TMPRSS4: variants seen among roughly 807,000 people sequenced by gnomAD.
TMPRSS4 encodes transmembrane serine protease 4.
A neutral mutation model predicts 56.4 loss-of-function variants in TMPRSS4; 45 were observed. The ratio of observed to expected loss-of-function variants is 0.80; its 90% CI spans 0.63 to 1.02. The LOEUF (loss-of-function observed/expected upper bound fraction) is 1.02, where lower values mean the gene tolerates loss of function less well. Ranked by LOEUF, TMPRSS4 falls within the 50% of genes least tolerant of loss-of-function variation. The probability of loss-of-function intolerance (pLI) is 0.00; values close to 1 mark genes in which losing one functional copy is unlikely to be tolerated. For synonymous variants in TMPRSS4, 205 were observed against 211.0 expected (o/e 0.97, Z 0.25); for missense variants, 546 against 556.7 (o/e 0.98, Z 0.19).
intron 4 of TMPRSS4, among the ~76,000 whole-genome samples, chr11:118,103,978 T>C (rs11216754): frequency 0.056 from 8,598 of 152,260 alleles, 611 homozygotes; most frequent in African/African-American, 0.16. Context: ...TGCTGAGACA[T>C]GCTATGTGAC....
At chr11:118,082,618 G>T (rs951845350) in intron 1 of TMPRSS4, among the ~76,000 whole-genome samples, 1 of 151,950 alleles carries the variant, frequency 6.6e-6, no homozygotes, top group African/African-American at 2.4e-5. Flanking sequence ...ACTTGAAAAG[G>T]GTCATTCAGC....
At chr11:118,081,680 G>A (rs532064616) in intron 1 of TMPRSS4, among the ~76,000 whole-genome samples, 40 of 152,344 alleles carry the variant, frequency 2.6e-4, no homozygotes, top group African/African-American at 7.9e-4. Context: ...GGCGTCGCCC[G>A]CTGGTGCGGT....
At chr11:118,089,386 C>T (rs1945801646) in intron 1 of TMPRSS4, among the ~76,000 whole-genome samples, 1 of 152,192 alleles carries the variant, frequency 6.6e-6, no homozygotes, top group African/African-American at 2.4e-5. Context: ...TCAGCATAGC[C>T]AGGTGATGGC....
intron 1 of TMPRSS4, among the ~76,000 whole-genome samples, chr11:118,083,766 G>A (rs2135243348): frequency 6.6e-6 from 1 of 152,192 alleles, no homozygotes; most frequent in African/African-American, 2.4e-5. Context: ...AACAATTACT[G>A]TACTCTTGGC....
intron 1 of TMPRSS4, among the ~76,000 whole-genome samples, chr11:118,090,076 G>A (rs573333357): frequency 1.9e-3 from 283 of 152,072 alleles, no homozygotes; most frequent in Middle Eastern, 0.014. Flanking sequence ...AACTCCTGAC[G>A]TCAGATCCAC....
intron 3 of TMPRSS4, 62 bp downstream of exon 3, chr11:118,099,160 C>A: frequency 2.9e-6 from 4 of 1,374,178 alleles, no homozygotes; most frequent in African/African-American, 2.9e-5. Flanking sequence ...CAACCCCCAC[C>A]CCCGCACTCA....
downstream of TMPRSS4, chr11:118,125,258 G>T (rs1157207119): frequency 2.2e-6 from 1 of 456,714 alleles, no homozygotes; most frequent in Non-Finnish European, 4.4e-6. Context: ...GAGACAGGAA[G>T]GAGCCAGCAG....
At chr11:118,094,894 T>A in intron 2 of TMPRSS4, 39 bp downstream of exon 2, 1 of 1,604,116 alleles carries the variant, frequency 6.2e-7, no homozygotes, top group Admixed American at 1.7e-5. Context: ...CACCTTAGCC[T>A]CTGAGTTTCA....
At chr11:118,085,971 G>A (rs1945525692) in intron 1 of TMPRSS4, among the ~76,000 whole-genome samples, 1 of 152,214 alleles carries the variant, frequency 6.6e-6, no homozygotes, top group African/African-American at 2.4e-5. Flanking sequence ...CAAAGAGAAG[G>A]ATCGCAGAGG....
chr11:118,093,527 C>T (rs546533472), intron 1 of TMPRSS4, among the ~76,000 whole-genome samples: 1 of 152,216 alleles, frequency 6.6e-6, no homozygotes, highest in African/African-American at 2.4e-5. Flanking sequence ...GTGTCAGTGG[C>T]TCCTCCATGT....
At chr11:118,092,217 C>T (rs1288975293) in intron 1 of TMPRSS4, among the ~76,000 whole-genome samples, 1 of 152,144 alleles carries the variant, frequency 6.6e-6, no homozygotes, top group East Asian at 1.9e-4. Context: ...TGCCCGCTGC[C>T]TAGACAAAAC....
chr11:118,115,351 A>T, intron 11 of TMPRSS4, 71 bp downstream of exon 11: 2 of 1,554,852 alleles, frequency 1.3e-6, no homozygotes, highest in Non-Finnish European at 1.7e-6. Flanking sequence ...GAAAACCCAG[A>T]GGCTGCATGC....
intron 1 of TMPRSS4, among the ~76,000 whole-genome samples, chr11:118,080,193 A>G (rs1019383932): frequency 6.6e-6 from 1 of 152,200 alleles, no homozygotes; most frequent in Non-Finnish European, 1.5e-5. Flanking sequence ...TGAAAAAGCA[A>G]TAGATTCTCT....
chr11:118,104,635 G>A (rs1946894827), intron 4 of TMPRSS4, 56 bp from the exon 5 acceptor site: 11 of 1,612,634 alleles, frequency 6.8e-6, no homozygotes, highest in East Asian at 2.2e-5. Context: ...GAGTTCTGAG[G>A]GGGATGGGCC....
intron 3 of TMPRSS4, chr11:118,102,840 C>T: frequency 2.2e-6 from 1 of 460,752 alleles, no homozygotes; most frequent in South Asian, 3.1e-5. Flanking sequence ...AGGCAGTTAC[C>T]AGCCTGTTTC....
At chr11:118,093,134 C>T (rs1741224210) in intron 1 of TMPRSS4, among the ~76,000 whole-genome samples, 1 of 152,212 alleles carries the variant, frequency 6.6e-6, no homozygotes. Flanking sequence ...CAAGGCCAGG[C>T]ATGTCCCTCC....
At chr11:118,113,181 C>T in intron 8 of TMPRSS4, 88 bp from the exon 9 acceptor site, 3 of 1,394,826 alleles carry the variant, frequency 2.2e-6, no homozygotes, top group Non-Finnish European at 2.9e-6. Flanking sequence ...CATCCAGCAC[C>T]CCGATCCCTA....
At chr11:118,110,601 G>A (rs1289629635) in intron 7 of TMPRSS4, among the ~76,000 whole-genome samples, 4 of 152,152 alleles carry the variant, frequency 2.6e-5, no homozygotes, top group Admixed American at 2.6e-4. Flanking sequence ...TCGAACTCCT[G>A]ACCTCAGGTG....
chr11:118,078,939 G>A (rs76995369), intron 1 of TMPRSS4, among the ~76,000 whole-genome samples: 12 of 152,228 alleles, frequency 7.9e-5, no homozygotes, highest in Non-Finnish European at 1.5e-4. Context: ...ATGAAGCCCC[G>A]CACAGATGTA....
Sources: gnomAD v4.1 joint callset for allele counts (sites outside exome capture counted in the v4.1 genomes callset) on GRCh38, gnomAD v4.1.1 for gene constraint, MANE v1.5 for transcripts, NCBI Gene and HGNC (gene_info 2026-07-23, HGNC 2026-07-21) for gene names.